Variants in ERBB3 observed in about 807,000 individuals in gnomAD.
ERBB3 encodes receptor tyrosine-protein kinase erbB-3.
ERBB3 carries 96 observed loss-of-function variants against 156.7 expected under a neutral mutation model. The observed-to-expected ratio is 0.61, with a 90% CI of 0.52 to 0.73. The LOEUF is 0.73. Among genes scored for constraint, ERBB3 ranks in the 30% least tolerant of loss-of-function variants. The pLI is 0.00. For synonymous variants in ERBB3, 567 were observed against 632.0 expected (o/e 0.90, Z 1.54); for missense variants, 1,406 against 1,709.4 (o/e 0.82, Z 3.13).
In ERBB3 at chr12:56,102,061, G is replaced by A; in HGVS notation, c.*6G>A. ...CTAATGCCCAGAGAACGTAACTCCTGCTCCCTGTGGCACTCAGGGAGCATT... is the reference window on the plus strand; with the variant it reads ...CTAATGCCCAGAGAACGTAACTCCTACTCCCTGTGGCACTCAGGGAGCATT... On this transcript the variant is annotated 3_prime_UTR_variant, in exon 28 of 28. Transcript: ENST00000267101. The A allele has an allele frequency of 6.2e-7, 1 of 1,605,006 alleles. No individual in the cohort carries two copies. The highest frequency in any genetic ancestry group is 8.5e-7 in the Non-Finnish European group (1 of 1,179,686).
rs937699355 is a variant in ERBB3, at chr12:56,102,930, A to C, written c.*875A>C. On this transcript the variant is annotated 3_prime_UTR_variant, in exon 28 of 28. Transcript: ENST00000267101. ...TCACTTGAGCCCAGAATTAGAGATA[A>C]GCCTATGGAAACATAGCAAGACACT... 7 of 228,814 alleles carry C rather than the reference A, an allele frequency of 3.1e-5. No homozygotes were observed. The highest frequency in any genetic ancestry group is 8.9e-5 in the African/African-American group (4 of 45,120). The allele number at this position is 228,814 out of a possible 1,614,324, so 14.2% of individuals were successfully genotyped here.
Position 56,101,844 on chromosome 12 carries a change from G to A in ERBB3, c.3818G>A (p.Gly1273Glu). Residue 1273 changes from glycine to glutamate, a missense_variant, in exon 28 of 28, where the codon GGG (glycine) becomes GAG (glutamate). Physicochemically the swap from Gly to Glu is moderately conservative, Grantham distance 98 (BLOSUM62 -2). This residue lies in a region of ERBB3 where 415 missense variants were observed against 454.1 expected (regional missense o/e 0.91). Transcript: ENST00000267101. ...MNRQRDGGGP[G>E]GDYAAMGACP... ...CGGCAACGAGATGGAGGTGGTCCTGGGGGTGATTATGCAGCCATGGGGGCC... is the reference window on the plus strand; with the variant it reads ...CGGCAACGAGATGGAGGTGGTCCTGAGGGTGATTATGCAGCCATGGGGGCC... 1 of 1,613,262 alleles carries A rather than the reference G, an allele frequency of 6.2e-7. No individual in the cohort carries two copies. The highest frequency in any genetic ancestry group is 2.2e-5 in the East Asian group (1 of 44,866).
chr12:56,091,369 A>G (rs1165966991), intron 9 of ERBB3, among the ~76,000 whole-genome samples: 8 of 105,702 alleles, frequency 7.6e-5, no homozygotes, highest in Admixed American at 7.3e-4. Context: ...AATATTATAT[A>G]CTATTTATAT....
In ERBB3 at chr12:56,087,655, T is replaced by C; in HGVS notation, c.613+13T>C. 1 of 1,613,804 alleles carries C rather than the reference T, an allele frequency of 6.2e-7. No individual in the cohort carries two copies. The highest frequency in any genetic ancestry group is 8.5e-7 in the Non-Finnish European group (1 of 1,179,694). On this transcript the variant is annotated intron_variant, in intron 5 of 27. Coordinates refer to ENST00000267101, the MANE Select transcript of ERBB3 (RefSeq NM_001982.4). ...GACTGCCAGACATGTGGGTTTGAAA[T>C]TCCCTCCAAAAACTTCACTCATACG...
chr12:56,093,629 G>A (rs1047340642), intron 12 of ERBB3, 79 bp downstream of exon 12: 34 of 1,552,314 alleles, frequency 2.2e-5, no homozygotes, highest in African/African-American at 1.6e-4. Context: ...TGCCCTAGAC[G>A]TGGGAGTAGG....
At chr12:56,085,582 T>TA (rs1400589403) in intron 3 of ERBB3, 1 of 406,160 alleles carries the variant, frequency 2.5e-6, no homozygotes, top group Admixed American at 4.3e-5. Context: ...CTGTCTCTAC[T>TA]AAAAATACAA....
chr12:56,091,223 A>G (rs1868671097), intron 9 of ERBB3, among the ~76,000 whole-genome samples: 1 of 127,060 alleles, frequency 7.9e-6, no homozygotes, highest in Non-Finnish European at 1.6e-5. Context: ...CAGCCCCCTG[A>G]GTAGCTGGGA....
chr12:56,095,110 G>C (rs1209090024), intron 15 of ERBB3, 147 bp from the exon 16 acceptor site: 2 of 706,892 alleles, frequency 2.8e-6, no homozygotes, highest in Non-Finnish European at 5.2e-6. Flanking sequence ...TAGTGAGCTG[G>C]AGGTGGAGGC....
In ERBB3 at chr12:56,088,907, C is replaced by T. The variant is rs192146102; in HGVS notation, c.1109+39C>T. Reference sequence around the variant, plus strand: ...CCTTCCCTCCTTAGACCCCAGCCCACGCACCCCTCACAGTTCATTTCATTG... The same window carrying T: ...CCTTCCCTCCTTAGACCCCAGCCCATGCACCCCTCACAGTTCATTTCATTG... On this transcript the variant is annotated intron_variant, in intron 9 of 27. Transcript: ENST00000267101. The T allele has an allele frequency of 1.6e-4, 259 of 1,613,174 alleles. 4 individuals carry two copies. In the Admixed American group the frequency reaches 3.6e-3, roughly 22 times the overall value.
At chr12:56,099,230 A>T (rs1869002563) in intron 23 of ERBB3, among the ~76,000 whole-genome samples, 1 of 151,230 alleles carries the variant, frequency 6.6e-6, no homozygotes. Flanking sequence ...TGCTGGGATT[A>T]CAGGTGTGAG....
Position 56,096,864 on chromosome 12 carries a change from T to C in ERBB3, c.2274+18T>C, listed in dbSNP as rs776597149. 6 of 1,573,272 alleles carry C rather than the reference T, an allele frequency of 3.8e-6. No homozygotes were observed. The African/African-American group carries it at 8.1e-5, about 21-fold the overall frequency. ...TGACAGATGTAAGTGAAGGAAATTC[T>C]GTATGCCGCTAGGAGAGAGGACAAT... On this transcript the variant is annotated intron_variant, in intron 19 of 27. Transcript: ENST00000267101.
intron 3 of ERBB3, among the ~76,000 whole-genome samples, chr12:56,086,025 C>T (rs1868473680): frequency 2.3e-5 from 3 of 132,128 alleles, no homozygotes; most frequent in Non-Finnish European, 3.1e-5. Flanking sequence ...GCCAAGATTG[C>T]ACCACTGCAC....
chr12:56,097,853 G>A lies in ERBB3; in HGVS notation c.2529G>A (p.Lys843=), dbSNP rs201149603. Residue 843 remains lysine (K), a synonymous_variant, in exon 21 of 28, where the codon AAG becomes AAA. Coordinates refer to ENST00000267101, the MANE Select transcript of ERBB3 (RefSeq NM_001982.4). ...TGGCTGCCCGAAACGTGCTACTCAA[G>A]TCACCCAGTCAGGTTCAGGTGGCAG... ...RNLAARNVLL[K]SPSQVQVADF... is the part of the protein sequence containing the mutation. 9 of 1,614,034 alleles carry A rather than the reference G, an allele frequency of 5.6e-6. No individual in the cohort carries two copies. The East Asian group carries it at 1.8e-4, about 32-fold the overall frequency.
chr12:56,096,390 C>A (rs374124592), intron 17 of ERBB3, 113 bp from the exon 18 acceptor site: 2 of 1,344,552 alleles, frequency 1.5e-6, no homozygotes, highest in Admixed American at 3.4e-5. Flanking sequence ...AACGGTGCTT[C>A]CTCTTCCTGC....
intron 9 of ERBB3, among the ~76,000 whole-genome samples, chr12:56,092,050 T>C (rs1280644733): frequency 2.1e-5 from 3 of 143,190 alleles, no homozygotes; most frequent in African/African-American, 7.9e-5. Context: ...CTCCAGCCAG[T>C]GCACTCACTC....
At chr12:56,094,216 AG>A (rs971618035) in intron 14 of ERBB3, 27 bp downstream of exon 14, 28 of 1,583,764 alleles carry the variant, frequency 1.8e-5, no homozygotes, top group Admixed American at 8.3e-5. Flanking sequence ...AGGATCTCCA[AG>A]GGAGACAGAG....
At position 56,087,573 on chromosome 12, in the gene ERBB3, C is replaced by A; in HGVS notation, c.548-4C>A. The A allele has an allele frequency of 6.2e-7, 1 of 1,613,926 alleles. No individual in the cohort carries two copies. Among genetic ancestry groups the A allele is most frequent in the Non-Finnish European group, 8.5e-7 (1 of 1,179,768 alleles). ...CCCCTTGTGTTGCCTTCCTTCCCAACCAGGTCCCCCCTGTCATGAGGTTTG... is the reference window on the plus strand; with the variant it reads ...CCCCTTGTGTTGCCTTCCTTCCCAAACAGGTCCCCCCTGTCATGAGGTTTG... On this transcript the variant is annotated splice_region_variant and splice_polypyrimidine_tract_variant and intron_variant, in intron 4 of 27. Coordinates refer to ENST00000267101, the MANE Select transcript of ERBB3 (RefSeq NM_001982.4).
rs34576601 is a variant in ERBB3 at position 56,084,598 on chromosome 12, C to CAAAA, written c.235-385_235-382dup. ...GTAACAGAGCGAGACCCTGTCTCAC[C>CAAAA]AAAAAAAAAAAAAAAGGCCAAGCTC... On this transcript the variant is annotated intron_variant, in intron 2 of 27. Transcript: ENST00000267101. Among the ~76,000 whole-genome samples the CAAAA allele has an allele frequency of 1.2e-4, 15 of 125,600 alleles. 1 individual carries two copies. Among genetic ancestry groups the CAAAA allele is most frequent in the Non-Finnish European group, 2.0e-4 (12 of 61,364 alleles). The allele number at this position is 125,600 out of a possible 152,430, so 82.4% of individuals were successfully genotyped here. A position where few individuals can be genotyped will look rare whatever the true frequency, so the allele number is the denominator to read the frequency against.
chr12:56,093,054 A>G lies in ERBB3; in HGVS notation c.1252A>G (p.Ile418Val), dbSNP rs201880960. 1.2e-5 allele frequency: 19 copies of G among 1,613,830 alleles called. No individual in the cohort carries two copies. Among genetic ancestry groups the G allele is most frequent in the Admixed American group, 1.7e-5 (1 of 59,994 alleles). The change falls in exon 11 of 28, where the codon ATT becomes GTT. Residue 418 changes from isoleucine (I) to valine (V), a missense_variant. By Grantham distance (29) the Ile-to-Val change is conservative. Around this residue, in one of 3 missense-constraint regions of ERBB3, gnomAD observed 979 missense variants for 1,219.6 expected, o/e 0.80. Transcript: ENST00000267101. The part of the protein sequence containing the change: ...NFSVFSNLTT[I>V]GGRSLYNRGF... ...CAGTGTTTTTTCCAATTTGACAACC[A>G]TTGGAGGCAGAAGCCTCTACAAGTG...
Sources: allele counts gnomAD v4.1 joint callset (sites outside exome capture counted in the v4.1 genomes callset), GRCh38; gene constraint gnomAD v4.1.1; regional missense constraint gnomAD v4.1.1; transcripts MANE v1.5; gene names NCBI Gene and HGNC (gene_info 2026-07-23, HGNC 2026-07-21).